The following NLGN1 variants were observed in gnomAD, a reference collection of about 807,000 sequenced individuals.
NLGN1 encodes the protein neuroligin-1.
A neutral mutation model predicts 65.5 loss-of-function variants in NLGN1; 12 were observed. The ratio of observed to expected loss-of-function variants is 0.18; its 90% confidence interval spans 0.12 to 0.30. The LOEUF (loss-of-function observed/expected upper bound fraction) is 0.30, where lower values mean the gene tolerates loss of function less well. NLGN1 is among the 10% of genes least tolerant of loss of function. NLGN1 has a pLI of 1.00. For missense variants in NLGN1, 750 were observed against 1,007.1 expected (o/e 0.74, Z 3.46); for synonymous variants, 350 against 359.5 (o/e 0.97, Z 0.30).
intron 4 of NLGN1, among the ~76,000 whole-genome samples, chr3:174,100,290 CTTTAT>C (rs1245106878): frequency 6.1e-5 from 9 of 148,498 alleles, no homozygotes; most frequent in Non-Finnish European, 1.0e-4. Context: ...AAAAAAAAAA[CTTTAT>C]TTTAATTTTA....
chr3:173,652,089 C>T (rs1174998203), intron 3 of NLGN1, among the ~76,000 whole-genome samples: 2 of 152,144 alleles, frequency 1.3e-5, no homozygotes, highest in Admixed American at 6.6e-5. Context: ...CCACCATGCC[C>T]GGCCCCTTTG....
chr3:174,085,349 T>A (rs540527800), intron 4 of NLGN1, among the ~76,000 whole-genome samples: 2 of 152,178 alleles, frequency 1.3e-5, no homozygotes, highest in Admixed American at 1.3e-4. Flanking sequence ...TCCCTCTCTA[T>A]GATTACTCAT....
chr3:174,220,711 T>C (rs890713345), intron 4 of NLGN1, among the ~76,000 whole-genome samples: 1 of 127,910 alleles, frequency 7.8e-6, no homozygotes, highest in Non-Finnish European at 1.7e-5. Context: ...TAACATAATA[T>C]AGTTTTCTAG....
At position 173,702,218 on chromosome 3, in the gene NLGN1, G is replaced by A. The variant is rs371082328; in HGVS notation, c.493+97127G>A. Among the ~76,000 whole-genome samples, 5 of 144,428 alleles carry A rather than the reference G, an allele frequency of 3.5e-5. No individual in the cohort carries two copies. The East Asian group carries it at 6.0e-4, about 17-fold the overall frequency. The allele number at this position is 144,428 out of a possible 152,430, so 94.8% of individuals were successfully genotyped here. ...CCCGCCACTGCACTCCAGCCTGGGC[G>A]ACAGAGCGAGACTCCGTCTCAAAAA... On this transcript the variant is annotated intron_variant, in intron 3 of 6. Coordinates refer to ENST00000457714, the Ensembl canonical transcript of NLGN1.
chr3:173,513,293 C>T (rs375264083), intron 2 of NLGN1, among the ~76,000 whole-genome samples: 6 of 151,898 alleles, frequency 4.0e-5, no homozygotes, highest in African/African-American at 7.3e-5. Context: ...CACAAAAGAA[C>T]GGGTATGCCC....
chr3:173,759,880 T>C (rs1191556783), intron 3 of NLGN1, among the ~76,000 whole-genome samples: 1 of 151,994 alleles, frequency 6.6e-6, no homozygotes, highest in Non-Finnish European at 1.5e-5. Flanking sequence ...AATTGTCCTC[T>C]AAGGGCTTTA....
At chr3:173,758,055 G>C (rs1777402377) in intron 3 of NLGN1, among the ~76,000 whole-genome samples, 1 of 151,968 alleles carries the variant, frequency 6.6e-6, no homozygotes, top group African/African-American at 2.4e-5. Flanking sequence ...ATTGTATGAG[G>C]TCGTAAGAGT....
intron 4 of NLGN1, among the ~76,000 whole-genome samples, chr3:173,927,366 G>A (rs376520468): frequency 1.3e-5 from 2 of 152,012 alleles, no homozygotes; most frequent in African/African-American, 4.8e-5. Flanking sequence ...CAGCCAAATT[G>A]CCTCATTTTT....
chr3:173,412,151 TC>T (rs1362174183), intron 1 of NLGN1, among the ~76,000 whole-genome samples: 18 of 152,196 alleles, frequency 1.2e-4, no homozygotes, highest in African/African-American at 3.1e-4. Flanking sequence ...CCTGGAATTG[TC>T]CCTCTGCAGA....
At chr3:174,062,025 T>C (rs1004547107) in intron 4 of NLGN1, among the ~76,000 whole-genome samples, 1 of 152,122 alleles carries the variant, frequency 6.6e-6, no homozygotes, top group African/African-American at 2.4e-5. Flanking sequence ...TAATGTGTTT[T>C]CTAAATTCAT....
intron 3 of NLGN1, among the ~76,000 whole-genome samples, chr3:173,753,773 C>T (rs1392433561): frequency 1.3e-5 from 2 of 151,784 alleles, no homozygotes; most frequent in Non-Finnish European, 2.9e-5. Context: ...AAGTCTAGCC[C>T]CTGTTGCTTC....
intron 2 of NLGN1, among the ~76,000 whole-genome samples, chr3:173,551,215 C>G (rs2149264694): frequency 6.6e-6 from 1 of 150,922 alleles, no homozygotes; most frequent in Middle Eastern, 3.4e-3. Flanking sequence ...GTGTAATTTT[C>G]AGGATCTTGC....
intron 4 of NLGN1, among the ~76,000 whole-genome samples, chr3:174,183,285 A>G (rs1393249058): frequency 1.3e-5 from 2 of 152,092 alleles, no homozygotes; most frequent in African/African-American, 2.4e-5. Flanking sequence ...TTGAGTCCAT[A>G]GCATATAAAA....
intron 3 of NLGN1, among the ~76,000 whole-genome samples, chr3:173,679,587 C>T (rs1763666972): frequency 6.6e-6 from 1 of 152,018 alleles, no homozygotes; most frequent in South Asian, 2.1e-4. Flanking sequence ...ACGCCAAGAG[C>T]TAATTTTCTC....
chr3:173,425,029 G>A (rs541895723), intron 1 of NLGN1, among the ~76,000 whole-genome samples: 1 of 152,290 alleles, frequency 6.6e-6, no homozygotes, highest in East Asian at 1.9e-4. Flanking sequence ...CAGCTGGGGG[G>A]CCTCAGGAAA....
chr3:173,501,972 T>C (rs1731205367), intron 2 of NLGN1, among the ~76,000 whole-genome samples: 3 of 152,108 alleles, frequency 2.0e-5, no homozygotes, highest in African/African-American at 7.2e-5. Context: ...ACTCACAGTT[T>C]TAAAGTACAT....
chr3:173,893,265 T>C (rs1560575243), intron 4 of NLGN1, among the ~76,000 whole-genome samples: 1 of 152,162 alleles, frequency 6.6e-6, no homozygotes, highest in Admixed American at 6.5e-5. Flanking sequence ...AGACAAAGAA[T>C]TGTGGTGGTT....
At chr3:173,487,632 A>G (rs1728387252) in intron 2 of NLGN1, among the ~76,000 whole-genome samples, 1 of 152,026 alleles carries the variant, frequency 6.6e-6, no homozygotes, top group Admixed American at 6.6e-5. Flanking sequence ...TGTATTTTGC[A>G]ACAATATTGT....
chr3:173,738,219 TGTA>T (rs1355002718), intron 3 of NLGN1, among the ~76,000 whole-genome samples: 1 of 151,990 alleles, frequency 6.6e-6, no homozygotes, highest in Non-Finnish European at 1.5e-5. Flanking sequence ...TTTTCTTTGT[TGTA>T]ATCATTGTAA....
Sources: allele counts gnomAD v4.1 joint callset (sites outside exome capture counted in the v4.1 genomes callset), GRCh38; gene constraint gnomAD v4.1.1; transcripts MANE v1.5; gene names NCBI Gene and HGNC (gene_info 2026-07-23, HGNC 2026-07-21).